GLI3: variants seen among roughly 807,000 people sequenced by gnomAD.
GLI3 encodes transcription activator GLI3.
In GLI3, 20 loss-of-function variants were observed where a neutral mutation model predicts 100.8. That is an observed-to-expected ratio of 0.20 (90% CI 0.14 to 0.29). GLI3 has a LOEUF of 0.29. Among genes scored for constraint, GLI3 ranks in the 10% least tolerant of loss-of-function variants. GLI3 has a pLI of 1.00. For missense variants in GLI3, 2,040 were observed against 2,128.5 expected, an observed-to-expected ratio of 0.96 and a Z score of 0.82; for synonymous variants, 938 against 860.5, an observed-to-expected ratio of 1.09 and a Z score of -1.58.
chr7:42,135,038 C>T (rs560453905), intron 3 of GLI3, among the ~76,000 whole-genome samples: 72 of 152,126 alleles, frequency 4.7e-4, no homozygotes, highest in African/African-American at 1.5e-3. Context: ...TTGTAAAAAC[C>T]CCCTTGGAAT....
intron 2 of GLI3, among the ~76,000 whole-genome samples, chr7:42,189,032 T>C (rs531803179): frequency 6.6e-6 from 1 of 152,134 alleles, no homozygotes; most frequent in Non-Finnish European, 1.5e-5. Context: ...GTTCACCAGT[T>C]GTAACCAATG....
chr7:42,219,624 G>A (rs995357597), intron 2 of GLI3, among the ~76,000 whole-genome samples: 2 of 152,152 alleles, frequency 1.3e-5, no homozygotes, highest in African/African-American at 2.4e-5. Flanking sequence ...AGAAAAGTAC[G>A]AAAACAGATC....
intron 10 of GLI3, among the ~76,000 whole-genome samples, chr7:41,983,547 C>T (rs1787732168): frequency 6.6e-6 from 1 of 152,142 alleles, no homozygotes; most frequent in Non-Finnish European, 1.5e-5. Flanking sequence ...AATTTGACTT[C>T]CCAGCAGTGA....
chr7:42,174,411 T>C (rs1378741621), intron 2 of GLI3, among the ~76,000 whole-genome samples: 3 of 152,220 alleles, frequency 2.0e-5, no homozygotes, highest in Admixed American at 1.3e-4. Flanking sequence ...GCATTGTATG[T>C]CAAAACTTCT....
chr7:42,020,453 C>T (rs1303556415), intron 10 of GLI3, among the ~76,000 whole-genome samples: 5 of 152,040 alleles, frequency 3.3e-5, no homozygotes, highest in African/African-American at 1.2e-4. Context: ...AGCAGGCAGT[C>T]GGGACTGTCA....
chr7:42,099,426 C>T (rs17530574), intron 3 of GLI3, among the ~76,000 whole-genome samples: 24,122 of 152,056 alleles, frequency 0.16, 2,279 homozygotes, highest in African/African-American at 0.27. Flanking sequence ...ACTTAACAGG[C>T]TTTTTTCGTT....
chr7:42,071,162 T>C (rs182801491), intron 4 of GLI3, among the ~76,000 whole-genome samples: 73 of 152,284 alleles, frequency 4.8e-4, no homozygotes, highest in Non-Finnish European at 6.6e-4. Flanking sequence ...ACACAGATCG[T>C]CTTCACCCTG....
chr7:42,025,470 G>T, intron 8 of GLI3, 93 bp from the exon 9 acceptor site: 3 of 872,402 alleles, frequency 3.4e-6, no homozygotes, highest in Non-Finnish European at 3.9e-6. Context: ...GGGACAAGCG[G>T]TCTTATTTGG....
At chr7:42,194,600 C>A (rs1159825125) in intron 2 of GLI3, among the ~76,000 whole-genome samples, 1 of 152,108 alleles carries the variant, frequency 6.6e-6, no homozygotes, top group Non-Finnish European at 1.5e-5. Context: ...CTGCTCTACT[C>A]CCGTCTGTCT....
intron 10 of GLI3, among the ~76,000 whole-genome samples, chr7:41,997,478 T>C (rs1219542772): frequency 6.6e-6 from 1 of 152,186 alleles, no homozygotes; most frequent in African/African-American, 2.4e-5. Context: ...CATTCCAGAA[T>C]ACTGAGTATC....
chr7:42,001,175 G>A (rs1788283951), intron 10 of GLI3, among the ~76,000 whole-genome samples: 1 of 145,070 alleles, frequency 6.9e-6, no homozygotes, highest in Admixed American at 6.9e-5. Context: ...ACTGTGGGAG[G>A]TGAAGGTTGC....
chr7:42,090,836 T>G (rs1048237650), intron 3 of GLI3, among the ~76,000 whole-genome samples: 1 of 152,284 alleles, frequency 6.6e-6, no homozygotes, highest in Admixed American at 6.5e-5. Flanking sequence ...ACACTCTTCA[T>G]ATATTTTCTT....
chr7:42,188,316 C>T (rs1167180885), intron 2 of GLI3, among the ~76,000 whole-genome samples: 3 of 152,108 alleles, frequency 2.0e-5, no homozygotes, highest in African/African-American at 7.2e-5. Context: ...TCTATCCTGG[C>T]ATCTATTGTA....
chr7:42,011,069 C>T (rs990622747), intron 10 of GLI3, among the ~76,000 whole-genome samples: 3 of 152,206 alleles, frequency 2.0e-5, no homozygotes, highest in Non-Finnish European at 2.9e-5. Flanking sequence ...TCTGAGTCCA[C>T]CTAGCCTAAT....
chr7:42,037,357 TC>T (rs1387762159), intron 7 of GLI3, among the ~76,000 whole-genome samples: 1 of 152,164 alleles, frequency 6.6e-6, no homozygotes, highest in Non-Finnish European at 1.5e-5. Context: ...TCCCAGATCC[TC>T]TGGTGCTACC....
At chr7:42,106,463 C>T (rs867923740) in intron 3 of GLI3, among the ~76,000 whole-genome samples, 13 of 152,212 alleles carry the variant, frequency 8.5e-5, no homozygotes, top group East Asian at 1.9e-4. Flanking sequence ...TGAGCAAGGA[C>T]GGGCTCCTGC....
chr7:42,118,708 C>T (rs1198662254), intron 3 of GLI3, among the ~76,000 whole-genome samples: 1 of 152,204 alleles, frequency 6.6e-6, no homozygotes, highest in Non-Finnish European at 1.5e-5. Flanking sequence ...TCCGCTGCAG[C>T]CAGGGGGCCC....
At chr7:41,996,284 A>G (rs1788121646) in intron 10 of GLI3, among the ~76,000 whole-genome samples, 1 of 151,318 alleles carries the variant, frequency 6.6e-6, no homozygotes. Flanking sequence ...TTGTTGGAAC[A>G]ATTATTTTTT....
At chr7:41,978,815 G>T in intron 10 of GLI3, 67 bp from the exon 11 acceptor site, 1 of 1,315,100 alleles carries the variant, frequency 7.6e-7, no homozygotes, top group South Asian at 1.2e-5. Context: ...GGCGACAGAA[G>T]AAAATGCAGA....
Sources: gnomAD v4.1 joint callset for allele counts (sites outside exome capture counted in the v4.1 genomes callset) on GRCh38, gnomAD v4.1.1 for gene constraint, MANE v1.5 for transcripts, NCBI Gene and HGNC (gene_info 2026-07-23, HGNC 2026-07-21) for gene names.